The following LARP1B variants were observed in gnomAD, a reference collection of about 807,000 sequenced individuals.
LARP1B encodes the protein la-related protein 1B.
LARP1B carries 76 observed loss-of-function variants against 114.2 expected under a neutral mutation model. The ratio of observed to expected loss-of-function variants is 0.67; its 90% CI spans 0.55 to 0.81. The LOEUF (loss-of-function observed/expected upper bound fraction) is 0.81, where lower values mean the gene tolerates loss of function less well. LARP1B is among the 30% of genes least tolerant of loss of function. The pLI is 0.00. For missense variants in LARP1B, 1,014 were observed against 1,075.8 expected (o/e 0.94, Z 0.80); for synonymous variants, 345 against 348.0 (o/e 0.99, Z 0.10).
In LARP1B at chr4:128,210,046, C is replaced by T. The variant is rs866342787; in HGVS notation, c.2738C>T (p.Ser913Leu). 1 of 1,613,918 alleles carries T rather than the reference C, an allele frequency of 6.2e-7. No individual in the cohort carries two copies. The highest frequency in any genetic ancestry group is 8.5e-7 in the Non-Finnish European group (1 of 1,179,850). Residue 913 changes from serine to leucine, a missense_variant, in exon 20 of 20, where the codon TCA becomes TTA. Physicochemically the swap from Ser to Leu is moderately radical, Grantham distance 145 (BLOSUM62 -2). Coordinates refer to ENST00000326639, the MANE Select transcript of LARP1B (RefSeq NM_018078.4). ...RNISPESSDN[S>L]H ...ATTTCACCGGAGTCCAGTGACAATT[C>T]ACATTAAACAGTGCTGCCTGTGTCC...
At chr4:128,112,408 T>C (rs1317109281) in intron 9 of LARP1B, among the ~76,000 whole-genome samples, 1 of 151,732 alleles carries the variant, frequency 6.6e-6, no homozygotes, top group African/African-American at 2.4e-5. Context: ...CCTGAGCATG[T>C]TTCAGGACTA....
intron 1 of LARP1B, among the ~76,000 whole-genome samples, chr4:128,065,303 TTCTTTCTTTCTTTCTCTC>T (rs1433736955): frequency 6.1e-5 from 7 of 114,712 alleles, no homozygotes; most frequent in Non-Finnish European, 1.2e-4. Flanking sequence ...CTTTCTTTCT[TTCTTTCTTTCTTTCTCTC>T]TCTCTCTCTC....
intron 11 of LARP1B, among the ~76,000 whole-genome samples, chr4:128,161,758 G>T (rs1738623558): frequency 6.6e-6 from 1 of 152,078 alleles, no homozygotes; most frequent in Admixed American, 6.5e-5. Context: ...GCTTCCTGAT[G>T]ATCGTAATTC....
intron 1 of LARP1B, among the ~76,000 whole-genome samples, chr4:128,063,648 G>T (rs562912807): frequency 6.0e-5 from 9 of 150,522 alleles, no homozygotes; most frequent in Non-Finnish European, 1.0e-4. Flanking sequence ...GCGTGGTGGC[G>T]CATGCCTGTA....
chr4:128,093,656 C>A (rs546562746), intron 7 of LARP1B, among the ~76,000 whole-genome samples: 1 of 150,662 alleles, frequency 6.6e-6, no homozygotes, highest in Non-Finnish European at 1.5e-5. Context: ...CAAAATGTAT[C>A]GTACAGTATG....
intron 1 of LARP1B, among the ~76,000 whole-genome samples, chr4:128,066,797 A>ATTT (rs34995808): frequency 8.0e-6 from 1 of 125,302 alleles, no homozygotes; most frequent in Non-Finnish European, 1.6e-5. Context: ...TTTTCTTGCC[A>ATTT]TTTTTTTTTT....
chr4:128,178,534 T>G lies in LARP1B; in HGVS notation c.1788T>G (p.Ile596Met), dbSNP rs1274889470. 1 of 1,614,046 alleles carries G rather than the reference T, an allele frequency of 6.2e-7. No homozygotes were observed. The highest frequency in any genetic ancestry group is 2.2e-5 in the East Asian group (1 of 44,858). ...LPTAVPESPRIHPTRTPKTPR... is the reference protein window; with the variant it reads ...LPTAVPESPRMHPTRTPKTPR... ...CAGCAGTTCCAGAATCTCCTAGAAT[T>G]CATCCTACAAGAACACCCAAAACAC... is the stretch of plus-strand genomic sequence containing the variant. Residue 596 changes from isoleucine (I) to methionine (M), a missense_variant, in exon 14 of 20, where the codon ATT becomes ATG. Physicochemically the swap from Ile to Met is conservative, Grantham distance 10 (BLOSUM62 1). Coordinates refer to ENST00000326639, the MANE Select transcript of LARP1B (RefSeq NM_018078.4).
chr4:128,128,189 G>T (rs747036512), intron 11 of LARP1B, among the ~76,000 whole-genome samples: 1 of 152,164 alleles, frequency 6.6e-6, no homozygotes, highest in East Asian at 1.9e-4. Context: ...AATAAAATGT[G>T]TAAAATCTTC....
intron 1 of LARP1B, chr4:128,069,100 C>T (rs952180077): frequency 5.6e-6 from 6 of 1,080,350 alleles, no homozygotes; most frequent in Non-Finnish European, 7.0e-6. Flanking sequence ...CACTTAAGGC[C>T]CTTTCCAAGG....
rs1368836490 is a variant in LARP1B at position 128,158,598 on chromosome 4, G to A, written c.1525-3596G>A. Among the ~76,000 whole-genome samples, 5 of 152,226 alleles carry A rather than the reference G, an allele frequency of 3.3e-5. 1 individual carries two copies. The East Asian group carries it at 5.8e-4, about 18-fold the overall frequency. On this transcript the variant is annotated intron_variant, in intron 11 of 19. Transcript: ENST00000326639. ...CAACCCTATAGAAAAATGAGCAATA[G>A]TATTGAATAGTCATCTCAACAAAAG...
intron 11 of LARP1B, among the ~76,000 whole-genome samples, chr4:128,133,103 C>G (rs1792093456): frequency 6.6e-6 from 1 of 152,194 alleles, no homozygotes; most frequent in South Asian, 2.1e-4. Flanking sequence ...GCTGTAAATA[C>G]AGATGAAGCT....
intron 5 of LARP1B, among the ~76,000 whole-genome samples, chr4:128,087,669 T>C (rs1024846795): frequency 2.0e-5 from 3 of 152,158 alleles, no homozygotes; most frequent in African/African-American, 7.2e-5. Flanking sequence ...CCATCTAAAA[T>C]CTAGTCAATA....
At chr4:128,204,995 A>G (rs1263426281) in intron 17 of LARP1B, among the ~76,000 whole-genome samples, 4 of 152,238 alleles carry the variant, frequency 2.6e-5, no homozygotes, top group African/African-American at 9.6e-5. Context: ...TGATCCCATA[A>G]GAGGAACATC....
At chr4:128,083,457 C>T (rs915825368) in intron 5 of LARP1B, among the ~76,000 whole-genome samples, 1 of 149,268 alleles carries the variant, frequency 6.7e-6, no homozygotes, top group Non-Finnish European at 1.5e-5. Context: ...TGACCCCCCC[C>T]ACCTCCCTCC....
intron 1 of LARP1B, among the ~76,000 whole-genome samples, chr4:128,062,962 A>G (rs1172209135): frequency 6.6e-6 from 1 of 152,176 alleles, no homozygotes; most frequent in Non-Finnish European, 1.5e-5. Context: ...AAAATAATTG[A>G]AATAGGATAG....
intron 12 of LARP1B, among the ~76,000 whole-genome samples, chr4:128,173,833 A>T (rs184760131): frequency 1.3e-5 from 2 of 152,294 alleles, no homozygotes; most frequent in Admixed American, 1.3e-4. Flanking sequence ...ATTTCAGTAG[A>T]TGTATAAAAT....
chr4:128,096,645 G>A (rs1337162310), intron 7 of LARP1B, among the ~76,000 whole-genome samples: 1 of 151,312 alleles, frequency 6.6e-6, no homozygotes, highest in African/African-American at 2.4e-5. Flanking sequence ...CTGTCGCCCA[G>A]GCTGGAGTGC....
intron 8 of LARP1B, among the ~76,000 whole-genome samples, chr4:128,101,834 A>G (rs1472472470): frequency 2.0e-5 from 3 of 151,508 alleles, no homozygotes; most frequent in Non-Finnish European, 4.4e-5. Context: ...GCTGTAGCCA[A>G]CTCAGCTGCC....
intron 1 of LARP1B, among the ~76,000 whole-genome samples, chr4:128,071,116 G>T (rs1418379414): frequency 2.6e-5 from 4 of 151,774 alleles, no homozygotes; most frequent in Non-Finnish European, 5.9e-5. Flanking sequence ...GCGTGATCTT[G>T]GCTCACTGCA....
Sources: gnomAD v4.1 joint callset for allele counts (sites outside exome capture counted in the v4.1 genomes callset) on GRCh38, gnomAD v4.1.1 for gene constraint, MANE v1.5 for transcripts, NCBI Gene and HGNC (gene_info 2026-07-23, HGNC 2026-07-21) for gene names.